HP1BP3: variants seen among roughly 807,000 people sequenced by gnomAD.
The protein encoded by HP1BP3 is heterochromatin protein 1 binding protein 3.
A neutral mutation model predicts 62.5 loss-of-function variants in HP1BP3; 12 were observed. The observed-to-expected ratio is 0.19, with a 90% CI of 0.12 to 0.31. HP1BP3 has a LOEUF of 0.31. HP1BP3 is among the 10% of genes least tolerant of loss of function. The pLI, the probability that HP1BP3 is intolerant of heterozygous loss-of-function variation, is 1.00. For synonymous variants in HP1BP3, 260 were observed against 237.8 expected (o/e 1.09, Z -0.86); for missense variants, 502 against 651.8 (o/e 0.77, Z 2.50).
intron 9 of HP1BP3, among the ~76,000 whole-genome samples, chr1:20,751,415 GA>G (rs1335483998): frequency 6.6e-6 from 1 of 151,910 alleles, no homozygotes; most frequent in Non-Finnish European, 1.5e-5. Flanking sequence ...AAATAGCAGT[GA>G]AAAATTTTGA....
At chr1:20,745,373 C>A (rs1233488667) in intron 12 of HP1BP3, among the ~76,000 whole-genome samples, 170 bp downstream of exon 12, 3 of 152,178 alleles carry the variant, frequency 2.0e-5, no homozygotes, top group Non-Finnish European at 4.4e-5. Context: ...CCCTAAAAGT[C>A]TGGAGCCCTT....
At position 20,744,896 on chromosome 1, in the gene HP1BP3, A is replaced by T; in HGVS notation, c.1563T>A (p.Gly521=). 6.2e-7 allele frequency: 1 copy of T among 1,614,158 alleles called. No homozygotes were observed. ...PSSTVIKKPS[G]GSSKKPATSA... The stretch of plus-strand genomic sequence containing the variant: ...TGGTTGCAGGCTTCTTTGAGGAGCC[A>T]CCACTAGGTTTCTTGATGACTGTGG... The change falls in exon 13 of 13, where the codon GGT becomes GGA. Residue 521 remains glycine, a synonymous_variant. Transcript: ENST00000438032.
chr1:20,780,293 T>C (rs2057486632), intron 2 of HP1BP3, 52 bp downstream of exon 2: 2 of 1,321,944 alleles, frequency 1.5e-6, no homozygotes, highest in South Asian at 1.2e-5. Context: ...CAGCAGGGCC[T>C]GAAGTCAGGG....
At chr1:20,752,317 C>CAA (rs1399952447) in intron 9 of HP1BP3, among the ~76,000 whole-genome samples, 1 of 150,984 alleles carries the variant, frequency 6.6e-6, no homozygotes, top group Non-Finnish European at 1.5e-5. Context: ...TTTTTGGAGA[C>CAA]AGAGTTTCGC....
chr1:20,780,325 A>AAG lies in HP1BP3; in HGVS notation c.96+18_96+19dup. On this transcript the variant is annotated intron_variant, in intron 2 of 12. Transcript: ENST00000438032. ...AGGGATTGATCCAAGAGTGAGCTTC[A>AAG]AGAATGTGTCAGCCCCTACCTCACC... The AAG allele has an allele frequency of 6.4e-7, 1 of 1,572,384 alleles. No homozygotes were observed.
intron 4 of HP1BP3, chr1:20,774,162 G>A (rs1334685063): frequency 6.6e-6 from 1 of 152,196 alleles, no homozygotes; most frequent in African/African-American, 2.4e-5. Flanking sequence ...TTTATTCTGA[G>A]TATATAACAG....
chr1:20,749,647 C>A (rs990926383), intron 10 of HP1BP3, 76 bp downstream of exon 10: 12 of 1,401,482 alleles, frequency 8.6e-6, no homozygotes, highest in Non-Finnish European at 1.2e-5. Flanking sequence ...GCGTGAGCCA[C>A]AGTGCCTGGC....
At chr1:20,754,417 A>G (rs575831803) in intron 9 of HP1BP3, among the ~76,000 whole-genome samples, 38 of 152,014 alleles carry the variant, frequency 2.5e-4, no homozygotes, top group Non-Finnish European at 5.3e-4. Context: ...AGTCTCCCCA[A>G]ATTGATCTAT....
chr1:20,744,383 T>A lies in HP1BP3; in HGVS notation c.*414A>T, dbSNP rs1260753113. 1 of 173,290 alleles carries A rather than the reference T, an allele frequency of 5.8e-6. No homozygotes were observed. Among genetic ancestry groups the A allele is most frequent in the Non-Finnish European group, 1.2e-5 (1 of 81,406 alleles). 10.7% of individuals were successfully genotyped at this position (173,290 alleles called of 1,614,324 possible). A position where few individuals can be genotyped will look rare whatever the true frequency, so the allele number is the denominator to read the frequency against. Reference sequence around the variant, plus strand: ...TTACAACTCAGTCAGTGCTATATTGTGCCTCCATTTTACTTCCAGGACCTG... The same window carrying A: ...TTACAACTCAGTCAGTGCTATATTGAGCCTCCATTTTACTTCCAGGACCTG... On this transcript the variant is annotated 3_prime_UTR_variant, in exon 13 of 13. Transcript: ENST00000438032.
At chr1:20,745,317 A>G (rs1336897928) in intron 12 of HP1BP3, among the ~76,000 whole-genome samples, 1 of 152,200 alleles carries the variant, frequency 6.6e-6, no homozygotes, top group African/African-American at 2.4e-5. Context: ...GGAAATATGT[A>G]ATTATTTTTC....
chr1:20,787,213 C>G lies in HP1BP3; in HGVS notation c.-119G>C, dbSNP rs1040740780. ...GCGTTACCTCTGCGTTCGGCCGGTCCTGGCGCCCGCGTCCCGCACGGCCTC... is the reference window on the plus strand; with the variant it reads ...GCGTTACCTCTGCGTTCGGCCGGTCGTGGCGCCCGCGTCCCGCACGGCCTC... On this transcript the variant is annotated 5_prime_UTR_variant, in exon 1 of 13. Coordinates refer to ENST00000438032, the MANE Select transcript of HP1BP3 (RefSeq NM_001372052.1). 2.0e-5 allele frequency: 3 copies of G among 152,172 alleles called. No homozygotes were observed. 9.4% of individuals were successfully genotyped at this position (152,172 alleles called of 1,614,324 possible).
At chr1:20,745,708 A>G in intron 11 of HP1BP3, 52 bp from the exon 12 acceptor site, 1 of 1,591,478 alleles carries the variant, frequency 6.3e-7, no homozygotes, top group Non-Finnish European at 8.6e-7. Flanking sequence ...AAACAAGAAA[A>G]ATAATGTGAA....
At position 20,776,724 on chromosome 1, in the gene HP1BP3, C is replaced by G. The variant is rs140927738; in HGVS notation, c.223G>C (p.Val75Leu). The change falls in exon 4 of 13, where the codon GTC becomes CTC. Residue 75 changes from valine (V) to leucine (L), a missense_variant. By Grantham distance (32) the Val-to-Leu change is conservative. This residue lies in a region of HP1BP3 where 165 missense variants were observed against 156.4 expected (regional missense o/e 1.05). Transcript: ENST00000438032. The stretch of plus-strand genomic sequence containing the variant: ...TTCTCTTGTTCTTCTACAGTGGAGA[C>G]AGATTCCTCTGAACTTATGTCTGGT... ...PEPDISSEES[V>L]STVEEQENET... is the part of the protein sequence containing the mutation. 1.9e-6 allele frequency: 3 copies of G among 1,613,180 alleles called. No individual in the cohort carries two copies. The highest frequency in any genetic ancestry group is 2.5e-6 in the Non-Finnish European group (3 of 1,179,618).
intron 9 of HP1BP3, among the ~76,000 whole-genome samples, chr1:20,752,429 G>C (rs1486344449): frequency 6.6e-6 from 1 of 151,652 alleles, no homozygotes; most frequent in African/African-American, 2.4e-5. Flanking sequence ...CGAGTAGCTG[G>C]GACTACAGGC....
chr1:20,760,648 C>G (rs2056412762), intron 8 of HP1BP3, among the ~76,000 whole-genome samples: 1 of 152,038 alleles, frequency 6.6e-6, no homozygotes, highest in Non-Finnish European at 1.5e-5. Context: ...ACCAGCCTGG[C>G]CAACATGGTG....
intron 8 of HP1BP3, among the ~76,000 whole-genome samples, chr1:20,762,186 A>G (rs2056522224): frequency 6.6e-6 from 1 of 152,232 alleles, no homozygotes; most frequent in South Asian, 2.1e-4. Flanking sequence ...GAAAATCAAT[A>G]TGGTTTCACA....
chr1:20,765,427 G>C lies in HP1BP3; in HGVS notation c.840C>G (p.Leu280=), dbSNP rs1403031724. 1 of 1,613,380 alleles carries C rather than the reference G, an allele frequency of 6.2e-7. No homozygotes were observed. Among genetic ancestry groups the C allele is most frequent in the Admixed American group, 1.7e-5 (1 of 59,956 alleles). The part of the protein sequence containing the change: ...LCEPKEASYS[L]IRKYVSQYYP... ...AATACTGAGACACATATTTCCTGAT[G>C]AGACTGTAGGAAGCTTCTTTAGGTT... The change falls in exon 8 of 13, where the codon CTC becomes CTG. Residue 280 remains leucine, a synonymous_variant. Transcript: ENST00000438032.
intron 1 of HP1BP3, among the ~76,000 whole-genome samples, chr1:20,783,683 T>G (rs909744595): frequency 1.4e-5 from 2 of 141,220 alleles, no homozygotes; most frequent in Admixed American, 7.7e-5. Context: ...GGCAGGAGAA[T>G]CACTTGAACC....
Position 20,744,756 on chromosome 1 carries a change from G to T in HP1BP3, c.*41C>A. The stretch of plus-strand genomic sequence containing the variant: ...AATGCACACTGACCTTAGAAAATAA[G>T]ATTTTGAATTTCATCATGATACCCT... On this transcript the variant is annotated 3_prime_UTR_variant, in exon 13 of 13. Transcript: ENST00000438032. 1 of 1,521,298 alleles carries T rather than the reference G, an allele frequency of 6.6e-7. No homozygotes were observed. The highest frequency in any genetic ancestry group is 8.9e-7 in the Non-Finnish European group (1 of 1,124,788). 94.2% of individuals were successfully genotyped at this position (1,521,298 alleles called of 1,614,324 possible). A position where few individuals can be genotyped will look rare whatever the true frequency, so the allele number is the denominator to read the frequency against.
Sources: gnomAD v4.1 joint callset for allele counts (sites outside exome capture counted in the v4.1 genomes callset) on GRCh38, gnomAD v4.1.1 for gene constraint, gnomAD v4.1.1 regional missense constraint, MANE v1.5 for transcripts, NCBI Gene and HGNC (gene_info 2026-07-23, HGNC 2026-07-21) for gene names.